SHPRH: variants seen among roughly 807,000 people sequenced by gnomAD.
SHPRH encodes SNF2 histone linker PHD RING helicase, also known as E3 ubiquitin-protein ligase SHPRH.
A neutral mutation model predicts 202.5 loss-of-function variants in SHPRH; 106 were observed. That is an observed-to-expected ratio of 0.52 (90% CI 0.45 to 0.62). The LOEUF is 0.62. Among genes scored for constraint, SHPRH ranks in the 20% least tolerant of loss-of-function variants. The pLI is 0.00. For missense variants in SHPRH, 1,710 were observed against 2,020.0 expected (o/e 0.85, Z 2.94); for synonymous variants, 729 against 686.0 (o/e 1.06, Z -0.98).
chr6:145,896,985 G>A lies in SHPRH; in HGVS notation c.4516-2008C>T, dbSNP rs544104105. ...TAAACAACTAATGTTGCACCACAAGGAACTGGAAAAAGAAGAGCAAAGTAA... is the reference window on the plus strand; with the variant it reads ...TAAACAACTAATGTTGCACCACAAGAAACTGGAAAAAGAAGAGCAAAGTAA... On this transcript the variant is annotated intron_variant, in intron 25 of 29. Transcript: ENST00000275233. Among the ~76,000 whole-genome samples the A allele has an allele frequency of 7.9e-5, 12 of 151,712 alleles. 1 individual carries two copies. The East Asian group carries it at 2.3e-3, about 29-fold the overall frequency.
intron 11 of SHPRH, among the ~76,000 whole-genome samples, chr6:145,939,546 A>G (rs75318264): frequency 0.022 from 3,391 of 152,256 alleles, 48 homozygotes; most frequent in Admixed American, 0.032. Context: ...TTAAAATGAG[A>G]AAAAGTAACT....
At chr6:145,945,286 G>GT in intron 8 of SHPRH, 95 bp downstream of exon 8, 4 of 1,371,682 alleles carry the variant, frequency 2.9e-6, no homozygotes, top group South Asian at 1.7e-5. Context: ...TCTTCAGATC[G>GT]TAAGAGTTTC....
chr6:145,861,398 T>C (rs996988568), downstream of SHPRH, among the ~76,000 whole-genome samples: 2 of 151,356 alleles, frequency 1.3e-5, no homozygotes, highest in African/African-American at 4.9e-5. Context: ...CAGTGAGATA[T>C]CACCTCATAC....
chr6:145,870,259 ATTTTT>A (rs146513776), intron 2 of SHPRH, among the ~76,000 whole-genome samples: 2 of 107,762 alleles, frequency 1.9e-5, no homozygotes, highest in African/African-American at 4.0e-5. Context: ...ATCGTTTCAG[ATTTTT>A]TTTTTTTTTT....
chr6:145,932,847 T>A (rs544079385), intron 14 of SHPRH, among the ~76,000 whole-genome samples: 103 of 152,296 alleles, frequency 6.8e-4, no homozygotes, highest in African/African-American at 2.1e-3. Flanking sequence ...AATGTTTGGT[T>A]AAATCATATG....
intron 25 of SHPRH, chr6:145,904,760 A>C (rs2128728169): frequency 6.6e-6 from 1 of 152,214 alleles, no homozygotes; most frequent in South Asian, 2.1e-4. Flanking sequence ...AGGAAATGTA[A>C]TTACATGTGC....
chr6:145,926,281 G>T lies in SHPRH; in HGVS notation c.3217C>A (p.His1073Asn). The part of the protein sequence containing the change: ...TDSLQRLHAT[H>N]NLMELLIARH... ...GCTATCAACAATTCCATCAAGTTAT[G>T]GGTAGCATGAAGTCTCTACAAACAT... Residue 1073 changes from histidine to asparagine, a missense_variant, in exon 16 of 30, where the codon CAT becomes AAT. Physicochemically the swap from His to Asn is moderately conservative, Grantham distance 68. Coordinates refer to ENST00000275233, the MANE Select transcript of SHPRH (RefSeq NM_001042683.3). 1 of 1,612,666 alleles carries T rather than the reference G, an allele frequency of 6.2e-7. No homozygotes were observed. The highest frequency in any genetic ancestry group is 8.5e-7 in the Non-Finnish European group (1 of 1,179,090).
At chr6:145,905,636 A>G (rs1295375082) in intron 25 of SHPRH, 14 of 152,108 alleles carry the variant, frequency 9.2e-5, no homozygotes, top group Admixed American at 9.2e-4. Context: ...CGTGGATTCA[A>G]TGTAAACTCA....
chr6:145,915,286 A>G (rs1369801039), intron 23 of SHPRH, among the ~76,000 whole-genome samples: 1 of 151,138 alleles, frequency 6.6e-6, no homozygotes, highest in African/African-American at 2.4e-5. Context: ...CATATATTTT[A>G]GTTCTATATA....
intron 14 of SHPRH, among the ~76,000 whole-genome samples, chr6:145,930,952 T>C (rs950766244): frequency 6.6e-6 from 1 of 152,224 alleles, no homozygotes; most frequent in East Asian, 1.9e-4. Context: ...CCCTTTATCC[T>C]TGGTAATATT....
chr6:145,955,364 A>C lies in SHPRH; in HGVS notation c.-32-10T>G. On this transcript the variant is annotated splice_polypyrimidine_tract_variant and intron_variant, in intron 1 of 29. Coordinates refer to ENST00000275233, the MANE Select transcript of SHPRH (RefSeq NM_001042683.3). ...CTGGTAACTGTGAACTCTAGAGGAC[A>C]AATGAAACAACAGGAGGTATAACAA... The C allele has an allele frequency of 6.5e-7, 1 of 1,550,256 alleles. No homozygotes were observed. Among genetic ancestry groups the C allele is most frequent in the Non-Finnish European group, 8.7e-7 (1 of 1,154,656 alleles).
chr6:145,936,314 A>G (rs1786063463), intron 11 of SHPRH, among the ~76,000 whole-genome samples: 1 of 151,902 alleles, frequency 6.6e-6, no homozygotes, highest in Non-Finnish European at 1.5e-5. Flanking sequence ...AATGAAGACT[A>G]TGAGTGTAAT....
chr6:145,903,958 T>G (rs1782727049), intron 25 of SHPRH: 1 of 152,080 alleles, frequency 6.6e-6, no homozygotes, highest in South Asian at 2.1e-4. Flanking sequence ...ACCATCACAC[T>G]GTTGCTAGGG....
Position 145,922,941 on chromosome 6 carries a change from T to A in SHPRH, c.3546-105A>T, listed in dbSNP as rs373751261. ...CAAACAAAGTGTTAAAGAAACTGTT[T>A]GCTGTTTTTTTTTTTTTTAACAGCA... is the stretch of plus-strand genomic sequence containing the variant. On this transcript the variant is annotated intron_variant, in intron 18 of 29. Transcript: ENST00000275233. The A allele has an allele frequency of 7.7e-3, 9,748 of 1,263,540 alleles. 624 individuals are homozygous for A. In the African/African-American group the frequency reaches 0.16, roughly 20 times the overall value. The allele number at this position is 1,263,540 out of a possible 1,614,324, so 78.3% of individuals were successfully genotyped here.
chr6:145,945,576 G>C lies in SHPRH; in HGVS notation c.1383C>G (p.Ile461Met). The C allele has an allele frequency of 6.2e-7, 1 of 1,612,762 alleles. No homozygotes were observed. Among genetic ancestry groups the C allele is most frequent in the Non-Finnish European group, 8.5e-7 (1 of 1,179,434 alleles). The change falls in exon 8 of 30, where the codon ATC (isoleucine) becomes ATG (methionine). Residue 461 changes from isoleucine to methionine, a missense_variant. This residue lies in a region of SHPRH where 348 missense variants were observed against 356.9 expected (regional missense o/e 0.97). Coordinates refer to ENST00000275233, the MANE Select transcript of SHPRH (RefSeq NM_001042683.3). ...KEMNGKKGVS[I>M]LSIYKYVSSI... ...AACTGACATACTTATAGATGGAAAG[G>C]ATGGACACTCCTTTTTTTCCATTCA...
chr6:145,941,377 AAC>A (rs1786757380), intron 10 of SHPRH, among the ~76,000 whole-genome samples: 1 of 152,230 alleles, frequency 6.6e-6, no homozygotes, highest in African/African-American at 2.4e-5. Flanking sequence ...ATCATATATA[AAC>A]AGACATCTTA....
In SHPRH at chr6:145,936,884, G is replaced by T. The variant is rs577536973; in HGVS notation, c.2570-1443C>A. 2.6e-5 allele frequency among the ~76,000 whole-genome samples: 4 copies of T among 151,432 alleles called. No homozygotes were observed. The East Asian group carries it at 7.8e-4, about 29-fold the overall frequency. ...ATTTTTAGCTCAAATCAATTCAATT[G>T]CTATATGTTACCTCTTTTTTGAGGT... is the stretch of plus-strand genomic sequence containing the variant. On this transcript the variant is annotated intron_variant, in intron 11 of 29. Coordinates refer to ENST00000275233, the MANE Select transcript of SHPRH (RefSeq NM_001042683.3).
chr6:145,926,338 G>A, intron 15 of SHPRH, 42 bp from the exon 16 acceptor site: 1 of 1,501,192 alleles, frequency 6.7e-7, no homozygotes, highest in Middle Eastern at 1.7e-4. Flanking sequence ...AGTCAATGCA[G>A]AAGACTCTGA....
At chr6:145,896,537 G>C (rs772638337) in intron 25 of SHPRH, among the ~76,000 whole-genome samples, 2 of 152,028 alleles carry the variant, frequency 1.3e-5, no homozygotes, top group African/African-American at 2.4e-5. Flanking sequence ...CAGAGCATTT[G>C]CTTTTATCAA....
Sources: allele counts gnomAD v4.1 joint callset (sites outside exome capture counted in the v4.1 genomes callset), GRCh38; gene constraint gnomAD v4.1.1; regional missense constraint gnomAD v4.1.1; transcripts MANE v1.5; gene names NCBI Gene and HGNC (gene_info 2026-07-23, HGNC 2026-07-21).